The following ROBO2 variants were observed in gnomAD, a reference collection of about 807,000 sequenced individuals.
ROBO2 encodes roundabout homolog 2.
ROBO2 carries 53 observed loss-of-function variants against 160.8 expected under a neutral mutation model. The observed-to-expected ratio is 0.33, with a 90% CI of 0.26 to 0.41. The LOEUF (loss-of-function observed/expected upper bound fraction) is 0.41, where lower values mean the gene tolerates loss of function less well. ROBO2 is among the 10% of genes least tolerant of loss of function. The pLI is 1.00. For synonymous variants in ROBO2, 664 were observed against 611.7 expected (o/e 1.09, Z -1.26); for missense variants, 1,577 against 1,722.4 (o/e 0.92, Z 1.49).
intron 2 of ROBO2, among the ~76,000 whole-genome samples, chr3:76,214,616 AG>A (rs1205515485): frequency 2.0e-5 from 3 of 152,188 alleles, no homozygotes; most frequent in African/African-American, 7.2e-5. Context: ...GGCTGGGGGA[AG>A]GGCGTCCGCC....
chr3:77,537,463 T>C (rs1477188492), intron 6 of ROBO2, among the ~76,000 whole-genome samples: 3 of 152,198 alleles, frequency 2.0e-5, no homozygotes, highest in Non-Finnish European at 2.9e-5. Context: ...TAGAGTAGAA[T>C]ATGAAGTCTA....
chr3:76,455,744 A>G (rs1340217533), intron 2 of ROBO2, among the ~76,000 whole-genome samples: 1 of 152,180 alleles, frequency 6.6e-6, no homozygotes, highest in Non-Finnish European at 1.5e-5. Flanking sequence ...AGGAAAGAAA[A>G]CACATAGCAA....
At position 77,536,438 on chromosome 3, in the gene ROBO2, C is replaced by T. The variant is rs114054669; in HGVS notation, c.935-9900C>T. On this transcript the variant is annotated intron_variant, in intron 6 of 25. Transcript: ENST00000461745. Reference sequence around the variant, plus strand: ...CTTCTTTTCTTCTCCCTCTCTCCCTCCATCTCTTTCCTCTTTTTCTTCCTC... The same window carrying T: ...CTTCTTTTCTTCTCCCTCTCTCCCTTCATCTCTTTCCTCTTTTTCTTCCTC... Among the ~76,000 whole-genome samples, 329 of 152,138 alleles carry T rather than the reference C, an allele frequency of 2.2e-3. 3 individuals are homozygous for T. Among genetic ancestry groups the T allele is most frequent in the African/African-American group, 7.2e-3 (300 of 41,520 alleles).
chr3:76,738,289 C>T (rs1023429357), intron 2 of ROBO2, among the ~76,000 whole-genome samples: 2 of 152,150 alleles, frequency 1.3e-5, no homozygotes, highest in South Asian at 2.1e-4. Context: ...TTTGGGGGAG[C>T]CACATAGACA....
intron 2 of ROBO2, among the ~76,000 whole-genome samples, chr3:77,394,918 A>G (rs567909711): frequency 4.6e-5 from 7 of 152,156 alleles, no homozygotes; most frequent in Non-Finnish European, 7.4e-5. Context: ...ACTAATAACT[A>G]TTATTCAATA....
intron 2 of ROBO2, among the ~76,000 whole-genome samples, chr3:76,419,616 A>C (rs1337800635): frequency 6.6e-6 from 1 of 152,186 alleles, no homozygotes; most frequent in African/African-American, 2.4e-5. Context: ...CCTGTGTTGC[A>C]GTGATAAGAA....
chr3:76,143,754 G>A (rs2071775035), intron 2 of ROBO2, among the ~76,000 whole-genome samples: 1 of 151,966 alleles, frequency 6.6e-6, no homozygotes, highest in Admixed American at 6.6e-5. Context: ...ACATTTTAAA[G>A]GACTGGGTCA....
chr3:76,839,893 G>T (rs2148458784), intron 2 of ROBO2, among the ~76,000 whole-genome samples: 1 of 152,210 alleles, frequency 6.6e-6, no homozygotes, highest in Non-Finnish European at 1.5e-5. Flanking sequence ...GATAAATCTT[G>T]GTAGATTATA....
chr3:77,640,097 ATTTTTTTTTTT>A (rs71104695), intron 24 of ROBO2, among the ~76,000 whole-genome samples: 78 of 65,488 alleles, frequency 1.2e-3, no homozygotes, highest in South Asian at 3.6e-3. Context: ...CAGAGGAAGC[ATTTTTTTTTTT>A]TTTTTTTTTT....
At chr3:76,016,865 A>T (rs932452151) in intron 2 of ROBO2, among the ~76,000 whole-genome samples, 5 of 152,126 alleles carry the variant, frequency 3.3e-5, no homozygotes, top group Non-Finnish European at 5.9e-5. Flanking sequence ...ATTTGCCAGG[A>T]AAAACAGACA....
intron 2 of ROBO2, among the ~76,000 whole-genome samples, chr3:76,553,372 C>T (rs1315712182): frequency 6.6e-6 from 1 of 152,142 alleles, no homozygotes; most frequent in Non-Finnish European, 1.5e-5. Flanking sequence ...TCATATGTCA[C>T]ATGCTACCCG....
intron 2 of ROBO2, among the ~76,000 whole-genome samples, chr3:76,865,072 AT>A (rs1315167643): frequency 6.6e-6 from 1 of 151,894 alleles, no homozygotes. Context: ...CATCAAGTTT[AT>A]TTTCCCTAGA....
At chr3:77,457,782 T>C (rs1310806128) in intron 2 of ROBO2, among the ~76,000 whole-genome samples, 3 of 152,066 alleles carry the variant, frequency 2.0e-5, no homozygotes, top group Non-Finnish European at 4.4e-5. Flanking sequence ...TCCTCCTAAG[T>C]ATTATTTTGT....
chr3:76,389,780 A>G (rs774699883), intron 2 of ROBO2, among the ~76,000 whole-genome samples: 56 of 152,006 alleles, frequency 3.7e-4, no homozygotes, highest in Non-Finnish European at 6.6e-4. Context: ...ACATACATCT[A>G]TATTAAAATT....
chr3:75,997,956 C>A (rs1189547661), intron 2 of ROBO2, among the ~76,000 whole-genome samples: 2 of 152,038 alleles, frequency 1.3e-5, no homozygotes, highest in African/African-American at 2.4e-5. Context: ...GTCTCTAATA[C>A]CCTCTATTTC....
intron 2 of ROBO2, among the ~76,000 whole-genome samples, chr3:77,003,213 T>G (rs1293711553): frequency 6.6e-6 from 1 of 152,152 alleles, no homozygotes; most frequent in Non-Finnish European, 1.5e-5. Flanking sequence ...GCACATTACT[T>G]TACAGTTCTG....
At chr3:77,098,936 C>A (rs771040493) in intron 2 of ROBO2, among the ~76,000 whole-genome samples, 35 of 151,844 alleles carry the variant, frequency 2.3e-4, no homozygotes, top group Non-Finnish European at 4.6e-4. Context: ...TCATGTACGT[C>A]TTCAAAGATA....
chr3:76,637,250 A>G (rs953719471), intron 2 of ROBO2, among the ~76,000 whole-genome samples: 1 of 152,062 alleles, frequency 6.6e-6, no homozygotes, highest in Non-Finnish European at 1.5e-5. Context: ...CTTTAGCAAG[A>G]GACAAACCCT....
Position 76,954,791 on chromosome 3 carries a change from C to T in ROBO2, c.110-143223C>T, listed in dbSNP as rs6777168. ...AGTGTTATCACATCATCATGATGAACAAAATCATTACAAACTTAGCCTTTG... is the reference window on the plus strand; with the variant it reads ...AGTGTTATCACATCATCATGATGAATAAAATCATTACAAACTTAGCCTTTG... On this transcript the variant is annotated intron_variant, in intron 2 of 26. Coordinates refer to the ROBO2 transcript ENST00000487694. 5.5e-3 allele frequency among the ~76,000 whole-genome samples: 833 copies of T among 152,256 alleles called. 9 individuals carry two copies. Among genetic ancestry groups the T allele is most frequent in the African/African-American group, 0.019 (810 of 41,564 alleles).
Sources: allele counts gnomAD v4.1 joint callset (sites outside exome capture counted in the v4.1 genomes callset), GRCh38; gene constraint gnomAD v4.1.1; transcripts MANE v1.5; gene names NCBI Gene and HGNC (gene_info 2026-07-23, HGNC 2026-07-21).